Variants in DPYD observed in about 807,000 individuals in gnomAD.
DPYD encodes the protein dihydropyrimidine dehydrogenase, also known as dihydropyrimidine dehydrogenase [NADP(+)].
A neutral mutation model predicts 116.2 loss-of-function variants in DPYD; 109 were observed. The ratio of observed to expected loss-of-function variants is 0.94; its 90% CI spans 0.80 to 1.10. DPYD has a LOEUF of 1.10. DPYD is among the 50% of genes least tolerant of loss of function. DPYD has a pLI of 0.00. For synonymous variants in DPYD, 440 were observed against 432.0 expected, an observed-to-expected ratio of 1.02 and a Z score of -0.23; for missense variants, 1,302 against 1,254.5, an observed-to-expected ratio of 1.04 and a Z score of -0.57.
chr1:97,555,959 A>G (rs1353876540), intron 11 of DPYD, among the ~76,000 whole-genome samples: 2 of 152,154 alleles, frequency 1.3e-5, no homozygotes, highest in African/African-American at 4.8e-5. Flanking sequence ...TCTGCATTTG[A>G]CTCCAAAGCT....
At chr1:97,783,419 C>A (rs566813803) in intron 3 of DPYD, among the ~76,000 whole-genome samples, 9 of 151,444 alleles carry the variant, frequency 5.9e-5, no homozygotes, top group Admixed American at 5.9e-4. Context: ...TTTTTTGAGA[C>A]AGAGTCTTGC....
intron 20 of DPYD, among the ~76,000 whole-genome samples, chr1:97,117,202 T>C (rs1319321505): frequency 6.6e-6 from 1 of 152,022 alleles, no homozygotes; most frequent in African/African-American, 2.4e-5. Context: ...TAAAAGCATA[T>C]GACAGGTTGA....
chr1:97,747,016 G>T (rs949555674), intron 3 of DPYD, among the ~76,000 whole-genome samples: 6 of 151,616 alleles, frequency 4.0e-5, no homozygotes, highest in African/African-American at 1.5e-4. Flanking sequence ...ATTACTGTAG[G>T]TTGCAGCATG....
At chr1:97,456,215 A>G (rs1007639153) in intron 13 of DPYD, among the ~76,000 whole-genome samples, 4 of 151,954 alleles carry the variant, frequency 2.6e-5, no homozygotes, top group African/African-American at 9.7e-5. Context: ...AACATTTAAT[A>G]TATGTAATAA....
intron 3 of DPYD, chr1:97,797,117 C>T (rs1192156912): frequency 3.3e-5 from 5 of 152,074 alleles, no homozygotes; most frequent in Admixed American, 1.3e-4. Context: ...AGAGTCTTAT[C>T]TTTAAAAAAA....
chr1:97,453,094 C>T (rs115764845), intron 13 of DPYD, among the ~76,000 whole-genome samples: 2,590 of 152,146 alleles, frequency 0.017, 38 homozygotes, highest in Non-Finnish European at 0.026. Flanking sequence ...GAACCAAATG[C>T]TGTGATACAA....
chr1:97,650,332 C>T (rs1336066642), intron 8 of DPYD, among the ~76,000 whole-genome samples: 1 of 152,102 alleles, frequency 6.6e-6, no homozygotes. Flanking sequence ...AGCAAAACTG[C>T]TAAGAACAAT....
chr1:97,262,984 T>C (rs956936707), intron 18 of DPYD, among the ~76,000 whole-genome samples: 1 of 151,910 alleles, frequency 6.6e-6, no homozygotes, highest in African/African-American at 2.4e-5. Flanking sequence ...AAGATAACAG[T>C]TCTCAGTGTT....
chr1:97,638,209 G>C (rs1233733682), intron 8 of DPYD, among the ~76,000 whole-genome samples: 2 of 152,094 alleles, frequency 1.3e-5, no homozygotes, highest in African/African-American at 2.4e-5. Context: ...CATACAGTGA[G>C]GGTAAAAACC....
chr1:97,889,432 T>A (rs997014211), intron 1 of DPYD, among the ~76,000 whole-genome samples: 4 of 151,924 alleles, frequency 2.6e-5, no homozygotes, highest in Non-Finnish European at 5.9e-5. Context: ...AAATGACATA[T>A]CATGCAAATA....
intron 8 of DPYD, among the ~76,000 whole-genome samples, chr1:97,672,508 T>TA (rs1325339345): frequency 1.3e-5 from 2 of 152,220 alleles, no homozygotes; most frequent in South Asian, 2.1e-4. Flanking sequence ...TATTACAAAT[T>TA]AAAAAAAGTA....
chr1:97,353,977 T>C (rs978363273), intron 16 of DPYD, among the ~76,000 whole-genome samples: 4 of 152,248 alleles, frequency 2.6e-5, no homozygotes, highest in Admixed American at 2.6e-4. Context: ...ATGAGGCCAC[T>C]GACTTGCCGT....
intron 3 of DPYD, among the ~76,000 whole-genome samples, chr1:97,814,166 T>C (rs1571401653): frequency 6.6e-6 from 1 of 152,168 alleles, no homozygotes; most frequent in Non-Finnish European, 1.5e-5. Flanking sequence ...GAAGAGCCCA[T>C]GTAAGAAGGA....
At chr1:97,277,088 A>G (rs760563681) in intron 18 of DPYD, among the ~76,000 whole-genome samples, 1 of 152,146 alleles carries the variant, frequency 6.6e-6, no homozygotes, top group Non-Finnish European at 1.5e-5. Flanking sequence ...CCATTATCCT[A>G]AGTGAATTAA....
intron 4 of DPYD, among the ~76,000 whole-genome samples, chr1:97,724,307 GGTGTGTGT>G (rs1238212047): frequency 2.1e-3 from 1 of 480 alleles, no homozygotes; most frequent in African/African-American, 2.7e-3. Flanking sequence ...GGGGGGGGGG[GGTGTGTGT>G]GTGTGTGTGT....
At chr1:97,710,213 G>A (rs1011598880) in intron 5 of DPYD, among the ~76,000 whole-genome samples, 31 of 151,678 alleles carry the variant, frequency 2.0e-4, no homozygotes, top group African/African-American at 6.0e-4. Context: ...TGAATGTCTC[G>A]TTACCTTTTG....
At chr1:97,721,382 A>G (rs1662914107) in intron 5 of DPYD, 128 bp downstream of exon 5, 1 of 1,159,212 alleles carries the variant, frequency 8.6e-7, no homozygotes, top group Non-Finnish European at 1.2e-6. Context: ...TGTTGTACAA[A>G]ACATACTTGA....
intron 19 of DPYD, among the ~76,000 whole-genome samples, chr1:97,209,568 T>C (rs1659901087): frequency 6.6e-6 from 1 of 152,164 alleles, no homozygotes; most frequent in Non-Finnish European, 1.5e-5. Flanking sequence ...TTTGCTTGTG[T>C]CATTGTTTTT....
rs148651234 is a variant in DPYD at position 97,273,941 on chromosome 1, T to C, written c.2299+31318A>G. On this transcript the variant is annotated intron_variant, in intron 18 of 22. Coordinates refer to ENST00000370192, the MANE Select transcript of DPYD (RefSeq NM_000110.4). ...CAAGCCATCATTTCAATTTTCCTCT[T>C]GAATTTTCAGGGTAAAGTTGAAGGA... 1.7e-4 allele frequency among the ~76,000 whole-genome samples: 26 copies of C among 152,316 alleles called. 1 individual carries two copies. Among genetic ancestry groups the C allele is most frequent in the African/African-American group, 5.5e-4 (23 of 41,578 alleles).
Sources: gnomAD v4.1 joint callset for allele counts (sites outside exome capture counted in the v4.1 genomes callset) on GRCh38, gnomAD v4.1.1 for gene constraint, MANE v1.5 for transcripts, NCBI Gene and HGNC (gene_info 2026-07-23, HGNC 2026-07-21) for gene names.